Variants in CIBAR2 observed in about 807,000 individuals in gnomAD.
The protein encoded by CIBAR2 is CBY1-interacting BAR domain-containing protein 2.
CIBAR2 carries 38 observed loss-of-function variants against 36.2 expected under a neutral mutation model. The observed-to-expected ratio is 1.05, with a 90% CI of 0.81 to 1.38. CIBAR2 has a LOEUF of 1.38. Among genes scored for constraint, CIBAR2 ranks in the 40% most tolerant of loss-of-function variants. The pLI, the probability that CIBAR2 is intolerant of heterozygous loss-of-function variation, is 0.00. For synonymous variants in CIBAR2, 182 were observed against 149.5 expected (o/e 1.22, Z -1.58); for missense variants, 481 against 383.4 (o/e 1.25, Z -2.13).
chr16:85,105,196 C>A, intron 6 of CIBAR2, 131 bp downstream of exon 6: 1 of 556,950 alleles, frequency 1.8e-6, no homozygotes, highest in Non-Finnish European at 3.2e-6. Flanking sequence ...TCACGCCTTC[C>A]AGTGCTCACA....
At chr16:85,106,634 G>A (rs1425974123) in intron 5 of CIBAR2, among the ~76,000 whole-genome samples, 1 of 152,184 alleles carries the variant, frequency 6.6e-6, no homozygotes, top group Admixed American at 6.5e-5. Context: ...AGGCGAGGGC[G>A]CAGACTCTCC....
rs762356584 is a variant in CIBAR2 at position 85,099,306 on chromosome 16, G to C, written c.794C>G (p.Pro265Arg). The stretch of plus-strand genomic sequence containing the variant: ...GCCATGATTGGCATGAGGATGTTCA[G>C]GGTCTTCATTTGCCCTACTCAGCTG... ...QVQLSRANEDPEHPHANHGRF... is the reference protein window; with the variant it reads ...QVQLSRANEDREHPHANHGRF... Residue 265 changes from proline (P) to arginine (R), a missense_variant, in exon 9 of 9, where the codon CCT (proline) becomes CGT (arginine). Transcript: ENST00000539556. The C allele has an allele frequency of 1.9e-6, 3 of 1,611,942 alleles. No homozygotes were observed. The East Asian group carries it at 6.7e-5, about 36-fold the overall frequency.
chr16:85,103,737 C>T (rs1339796418), intron 6 of CIBAR2, among the ~76,000 whole-genome samples: 1 of 152,214 alleles, frequency 6.6e-6, no homozygotes, highest in Non-Finnish European at 1.5e-5. Context: ...TTCGTTCATT[C>T]CACAAGCATT....
intron 7 of CIBAR2, 140 bp downstream of exon 7, chr16:85,102,074 G>A: frequency 1.6e-6 from 1 of 608,688 alleles, no homozygotes; most frequent in East Asian, 2.8e-5. Context: ...GGCAGATATT[G>A]ACAACGCTTC....
chr16:85,100,135 T>C lies in CIBAR2; in HGVS notation c.753+4A>G. 1.9e-6 allele frequency: 3 copies of C among 1,607,768 alleles called. No individual in the cohort carries two copies. The highest frequency in any genetic ancestry group is 1.3e-5 in the African/African-American group (1 of 74,914). ...TGTAACCCCTCACCCACCCACACGCTCACCTGGCTGGCGAGAGACTGAAGA... is the reference window on the plus strand; with the variant it reads ...TGTAACCCCTCACCCACCCACACGCCCACCTGGCTGGCGAGAGACTGAAGA... On this transcript the variant is annotated splice_donor_region_variant and intron_variant, in intron 8 of 8. Coordinates refer to ENST00000539556, the MANE Select transcript of CIBAR2 (RefSeq NM_198491.3).
chr16:85,109,319 GA>G lies in CIBAR2; in HGVS notation c.255+906del, dbSNP rs372954131. On this transcript the variant is annotated intron_variant, in intron 2 of 8. Transcript: ENST00000539556. ...CCACCCCGTTACCAGGTGAAAGTAG[GA>G]TGTACTGGTGAGAAATGGGGTTGTC... Among the ~76,000 whole-genome samples, 97 of 152,184 alleles carry G rather than the reference GA, an allele frequency of 6.4e-4. No individual in the cohort carries two copies. In the East Asian group the frequency reaches 0.016, roughly 26 times the overall value.
chr16:85,102,163 T>G (rs1172474068), intron 7 of CIBAR2, 51 bp downstream of exon 7: 1 of 1,037,758 alleles, frequency 9.6e-7, no homozygotes, highest in African/African-American at 1.6e-5. Flanking sequence ...AAAACCAAAA[T>G]GAAACTCTGC....
chr16:85,105,288 C>T, intron 6 of CIBAR2, 39 bp downstream of exon 6: 1 of 1,284,534 alleles, frequency 7.8e-7, no homozygotes, highest in East Asian at 2.3e-5. Context: ...ACACACAAGG[C>T]AGCCCAGGGC....
intron 6 of CIBAR2, among the ~76,000 whole-genome samples, chr16:85,103,122 C>T (rs532533885): frequency 2.0e-5 from 3 of 152,268 alleles, no homozygotes; most frequent in East Asian, 3.9e-4. Context: ...AGGATGGTCT[C>T]GAACTCCTGA....
At chr16:85,106,270 C>T (rs988972012) in intron 5 of CIBAR2, among the ~76,000 whole-genome samples, 3 of 152,128 alleles carry the variant, frequency 2.0e-5, no homozygotes, top group African/African-American at 7.2e-5. Context: ...GGTTTAGCGG[C>T]ATCCAGCATC....
intron 6 of CIBAR2, among the ~76,000 whole-genome samples, chr16:85,103,112 A>G (rs2073968674): frequency 6.6e-6 from 1 of 152,198 alleles, no homozygotes; most frequent in South Asian, 2.1e-4. Flanking sequence ...AATGTTGGCC[A>G]GGATGGTCTC....
intron 2 of CIBAR2, among the ~76,000 whole-genome samples, chr16:85,109,152 T>G (rs891912350): frequency 6.6e-6 from 1 of 152,074 alleles, no homozygotes; most frequent in Non-Finnish European, 1.5e-5. Context: ...GGCTCATGCC[T>G]GTAATCCCAG....
chr16:85,105,126 C>A (rs971434557), intron 6 of CIBAR2, among the ~76,000 whole-genome samples: 1 of 152,206 alleles, frequency 6.6e-6, no homozygotes, highest in African/African-American at 2.4e-5. Context: ...TGAGCACCAG[C>A]CTCTGATGCC....
intron 5 of CIBAR2, among the ~76,000 whole-genome samples, chr16:85,106,413 T>A (rs1351206500): frequency 6.6e-6 from 1 of 152,152 alleles, no homozygotes; most frequent in Admixed American, 6.5e-5. Flanking sequence ...GCAGGTGGAA[T>A]GAAGGTTGCT....
At position 85,102,309 on chromosome 16, in the gene CIBAR2, C is replaced by G. The variant is rs1012381998; in HGVS notation, c.556G>C (p.Val186Leu). ...GCATGGAAAACCATCTCAATAGTTA[C>G]AAAGTCACAAAAAAATTTCTGTGGG... ...KDLQKFFCDF[V>L]TIEMVFHAKA... Residue 186 changes from valine (V) to leucine (L), a missense_variant, in exon 7 of 9, where the codon GTA becomes CTA. Transcript: ENST00000539556. 6.2e-7 allele frequency: 1 copy of G among 1,611,562 alleles called. No homozygotes were observed. The highest frequency in any genetic ancestry group is 2.2e-5 in the East Asian group (1 of 44,852).
In CIBAR2 at chr16:85,107,841, G is replaced by C. The variant is rs1460587841; in HGVS notation, c.426+5C>G. 6.2e-7 allele frequency: 1 copy of C among 1,610,742 alleles called. No homozygotes were observed. The highest frequency in any genetic ancestry group is 8.5e-7 in the Non-Finnish European group (1 of 1,176,894). Reference sequence around the variant, plus strand: ...GCCCCAGGCCCCACTTCCAGGGAAGGATACGATCATTTGCTGATCCGAGGG... The same window carrying C: ...GCCCCAGGCCCCACTTCCAGGGAAGCATACGATCATTTGCTGATCCGAGGG... On this transcript the variant is annotated splice_donor_5th_base_variant and intron_variant, in intron 4 of 8. Coordinates refer to ENST00000539556, the MANE Select transcript of CIBAR2 (RefSeq NM_198491.3).
intron 6 of CIBAR2, among the ~76,000 whole-genome samples, chr16:85,104,056 G>A (rs752207251): frequency 6.6e-6 from 1 of 152,246 alleles, no homozygotes; most frequent in Non-Finnish European, 1.5e-5. Flanking sequence ...AAAGTAACAC[G>A]TGAATTGAAT....
intron 6 of CIBAR2, among the ~76,000 whole-genome samples, chr16:85,104,769 G>C (rs1567559428): frequency 6.6e-6 from 1 of 152,092 alleles, no homozygotes; most frequent in Non-Finnish European, 1.5e-5. Context: ...TTGGAGAATG[G>C]ACTAGCGAGG....
At chr16:85,101,820 C>A (rs1362651909) in intron 7 of CIBAR2, among the ~76,000 whole-genome samples, 1 of 152,064 alleles carries the variant, frequency 6.6e-6, no homozygotes, top group East Asian at 1.9e-4. Context: ...CAGGTGCCCA[C>A]CACCACGCCT....
Sources: gnomAD v4.1 joint callset for allele counts (sites outside exome capture counted in the v4.1 genomes callset) on GRCh38, gnomAD v4.1.1 for gene constraint, MANE v1.5 for transcripts, NCBI Gene and HGNC (gene_info 2026-07-23, HGNC 2026-07-21) for gene names.